Variants in SEZ6L observed in about 807,000 individuals in gnomAD.
SEZ6L encodes seizure 6-like protein.
Under a neutral mutation model 106.2 loss-of-function variants are expected in SEZ6L, and 37 were observed. That is an observed-to-expected ratio of 0.35 (90% confidence interval 0.27 to 0.46). The LOEUF (loss-of-function observed/expected upper bound fraction) is 0.46. SEZ6L is among the 20% of genes least tolerant of loss of function. The pLI is 1.00. For synonymous variants in SEZ6L, 541 were observed against 570.4 expected (o/e 0.95, Z 0.73); for missense variants, 1,172 against 1,332.8 (o/e 0.88, Z 1.88).
rs78128022 is a variant in SEZ6L, at chr22:26,241,872, C to A, written c.95-50534C>A. 6.1e-3 allele frequency among the ~76,000 whole-genome samples: 924 copies of A among 152,170 alleles called. 5 individuals carry two copies. The highest frequency in any genetic ancestry group is 9.4e-3 in the Non-Finnish European group (642 of 68,002). On this transcript the variant is annotated intron_variant, in intron 1 of 16. Transcript: ENST00000248933. ...ACATGAGTCTGGGCACCAAGGACACCGGGAGGACAAGCTAGGCTCCCTTAA... is the reference window on the plus strand; with the variant it reads ...ACATGAGTCTGGGCACCAAGGACACAGGGAGGACAAGCTAGGCTCCCTTAA...
At chr22:26,343,039 T>A (rs893833675) in intron 10 of SEZ6L, among the ~76,000 whole-genome samples, 3 of 152,220 alleles carry the variant, frequency 2.0e-5, no homozygotes, top group African/African-American at 7.2e-5. Flanking sequence ...TTACCTTTGA[T>A]TGTGCTGCTA....
intron 7 of SEZ6L, 76 bp from the exon 8 acceptor site, chr22:26,311,692 A>G: frequency 1.6e-6 from 2 of 1,266,408 alleles, no homozygotes; most frequent in Non-Finnish European, 2.3e-6. Context: ...AGCACAGGGG[A>G]CCCATCTTCT....
intron 10 of SEZ6L, among the ~76,000 whole-genome samples, chr22:26,346,090 C>A (rs1038153952): frequency 2.6e-5 from 4 of 151,882 alleles, no homozygotes; most frequent in African/African-American, 4.8e-5. Context: ...TGCAGTGAAG[C>A]CTTCATGGCT....
chr22:26,354,399 C>T (rs1229558087), intron 12 of SEZ6L, among the ~76,000 whole-genome samples: 2 of 152,154 alleles, frequency 1.3e-5, no homozygotes. Flanking sequence ...CCCCCCCCAA[C>T]CGCCCACAGC....
intron 1 of SEZ6L, among the ~76,000 whole-genome samples, chr22:26,282,931 T>G (rs1174321981): frequency 6.7e-6 from 1 of 148,308 alleles, no homozygotes; most frequent in Admixed American, 6.7e-5. Context: ...TGCAATTTCT[T>G]TTTTTTTGAG....
At chr22:26,355,913 AG>A (rs2083423108) in intron 12 of SEZ6L, among the ~76,000 whole-genome samples, 1 of 152,228 alleles carries the variant, frequency 6.6e-6, no homozygotes, top group South Asian at 2.1e-4. Context: ...GCAGAGATAA[AG>A]GGAAGAGTCT....
At chr22:26,378,746 T>C (rs996441236) in intron 16 of SEZ6L, among the ~76,000 whole-genome samples, 12 of 152,158 alleles carry the variant, frequency 7.9e-5, no homozygotes, top group Non-Finnish European at 1.8e-4. Context: ...AAAGGCTGGT[T>C]ATGAGTTTGC....
intron 5 of SEZ6L, 116 bp from the exon 6 acceptor site, chr22:26,305,863 A>AG: frequency 3.6e-6 from 4 of 1,120,570 alleles, no homozygotes; most frequent in Non-Finnish European, 3.8e-6. Flanking sequence ...GGTGGGGATC[A>AG]GGGGAGAATG....
intron 10 of SEZ6L, among the ~76,000 whole-genome samples, chr22:26,344,163 C>CTCTG (rs1436971763): frequency 3.3e-5 from 5 of 152,102 alleles, no homozygotes; most frequent in Non-Finnish European, 7.4e-5. Context: ...GGAAGGTGGC[C>CTCTG]AAAGTTTATC....
chr22:26,310,707 C>A lies in SEZ6L; in HGVS notation c.1552C>A (p.Leu518Ile). The A allele has an allele frequency of 6.2e-7, 1 of 1,614,184 alleles. No homozygotes were observed. Among genetic ancestry groups the A allele is most frequent in the Non-Finnish European group, 8.5e-7 (1 of 1,180,040 alleles). ...CAGCGGGCAGACCAACAAGTCAGCT[C>A]TTCTCTACGACTCCCTTCAAACCGA... ...VHSGQTNKSA[L>I]LYDSLQTESV... The change falls in exon 7 of 17, where the codon CTT becomes ATT. Residue 518 changes from leucine to isoleucine, a missense_variant. Leu to Ile is a conservative substitution (Grantham distance 5, BLOSUM62 2). Transcript: ENST00000248933.
chr22:26,365,604 C>CCTGTG (rs752043174), intron 13 of SEZ6L, 38 bp downstream of exon 13: 1 of 1,560,740 alleles, frequency 6.4e-7, no homozygotes, highest in Middle Eastern at 2.1e-4. Context: ...TCCACGGGGC[C>CCTGTG]TGGAGATGTC....
intron 1 of SEZ6L, among the ~76,000 whole-genome samples, chr22:26,273,828 G>GATAGA (rs957887075): frequency 2.0e-5 from 3 of 152,176 alleles, no homozygotes; most frequent in Admixed American, 6.5e-5. Flanking sequence ...GGTAGGATGG[G>GATAGA]ATAGAATAGA....
At chr22:26,306,824 A>G (rs2081647032) in intron 6 of SEZ6L, among the ~76,000 whole-genome samples, 1 of 152,140 alleles carries the variant, frequency 6.6e-6, no homozygotes, top group Admixed American at 6.6e-5. Context: ...CTAGAATATT[A>G]TGGGGTCTTG....
intron 1 of SEZ6L, among the ~76,000 whole-genome samples, chr22:26,244,040 A>G (rs916623634): frequency 6.6e-6 from 1 of 151,992 alleles, no homozygotes; most frequent in Admixed American, 6.6e-5. Flanking sequence ...GCACAAACCT[A>G]TAGTCCCAGC....
chr22:26,343,141 G>T (rs1371467104), intron 10 of SEZ6L, among the ~76,000 whole-genome samples: 1 of 152,030 alleles, frequency 6.6e-6, no homozygotes. Context: ...ACTCATGTTG[G>T]CTGTCCAGGC....
chr22:26,182,208 T>C (rs1415765364), intron 1 of SEZ6L, among the ~76,000 whole-genome samples: 2 of 152,246 alleles, frequency 1.3e-5, no homozygotes, highest in Admixed American at 6.5e-5. Flanking sequence ...CTTATTAGCA[T>C]GCATATGAAT....
chr22:26,178,250 C>A (rs1028642241), intron 1 of SEZ6L, among the ~76,000 whole-genome samples: 7 of 152,172 alleles, frequency 4.6e-5, no homozygotes, highest in African/African-American at 1.4e-4. Flanking sequence ...AAGGCACCAG[C>A]AGATAAGCTT....
intron 1 of SEZ6L, among the ~76,000 whole-genome samples, chr22:26,184,701 G>A (rs1422781862): frequency 2.0e-5 from 3 of 152,110 alleles, no homozygotes; most frequent in Non-Finnish European, 4.4e-5. Flanking sequence ...ATACCCCAAA[G>A]CATGCGGATC....
intron 1 of SEZ6L, among the ~76,000 whole-genome samples, chr22:26,190,094 C>CT (rs1286509108): frequency 1.4e-5 from 2 of 143,822 alleles, no homozygotes; most frequent in Non-Finnish European, 3.0e-5. Flanking sequence ...AAGACTGTGT[C>CT]TAAAAAAAAA....
Sources: allele counts gnomAD v4.1 joint callset (sites outside exome capture counted in the v4.1 genomes callset), GRCh38; gene constraint gnomAD v4.1.1; transcripts MANE v1.5; gene names NCBI Gene and HGNC (gene_info 2026-07-23, HGNC 2026-07-21).